Variants in NAA16 observed in about 807,000 individuals in gnomAD.
NAA16 encodes N-alpha-acetyltransferase 16, NatA auxiliary subunit, also known as NARG1-like protein.
Under a neutral mutation model 110.3 loss-of-function variants are expected in NAA16, and 97 were observed. The ratio of observed to expected loss-of-function variants is 0.88; its 90% CI spans 0.75 to 1.04. NAA16 has a LOEUF of 1.04. Ranked by LOEUF, NAA16 falls within the 50% of genes least tolerant of loss-of-function variation. NAA16 has a pLI of 0.00. For missense variants in NAA16, 1,017 were observed against 1,005.1 expected, an observed-to-expected ratio of 1.01 and a Z score of -0.16; for synonymous variants, 372 against 330.6, an observed-to-expected ratio of 1.13 and a Z score of -1.36.
At chr13:41,362,599 C>T (rs1332733609) in intron 13 of NAA16, 4 of 731,768 alleles carry the variant, frequency 5.5e-6, no homozygotes, top group Non-Finnish European at 8.0e-6. Flanking sequence ...TTCTGTATAA[C>T]AATCTATGGC....
intron 3 of NAA16, among the ~76,000 whole-genome samples, chr13:41,319,493 A>G (rs2041891735): frequency 2.0e-5 from 3 of 152,142 alleles, no homozygotes; most frequent in South Asian, 2.1e-4. Context: ...TCTTTGGGTA[A>G]TATCCCAGTG....
intron 9 of NAA16, among the ~76,000 whole-genome samples, chr13:41,339,409 G>A (rs2042472091): frequency 6.6e-6 from 1 of 152,160 alleles, no homozygotes; most frequent in Admixed American, 6.5e-5. Context: ...AAAGTGCTGG[G>A]ATTACAGGCG....
chr13:41,367,788 A>T, intron 14 of NAA16, 136 bp downstream of exon 14: 1 of 565,208 alleles, frequency 1.8e-6, no homozygotes, highest in South Asian at 3.3e-5. Context: ...TCATATGCCA[A>T]AAAACAAAAA....
At chr13:41,342,408 G>A (rs1170663155) in intron 9 of NAA16, among the ~76,000 whole-genome samples, 1 of 152,144 alleles carries the variant, frequency 6.6e-6, no homozygotes, top group Admixed American at 6.5e-5. Flanking sequence ...AAAGTTCCAG[G>A]GTTACAGACG....
chr13:41,366,166 T>C (rs1300832236), intron 13 of NAA16, among the ~76,000 whole-genome samples: 1 of 152,188 alleles, frequency 6.6e-6, no homozygotes, highest in Non-Finnish European at 1.5e-5. Context: ...CATTAAAGCA[T>C]GGCTTTTTAG....
At chr13:41,347,063 A>G (rs2042700405) in intron 9 of NAA16, among the ~76,000 whole-genome samples, 1 of 151,740 alleles carries the variant, frequency 6.6e-6, no homozygotes, top group African/African-American at 2.4e-5. Flanking sequence ...CTAAAAATAC[A>G]AAAATTAGCT....
chr13:41,330,073 C>T (rs758749225), intron 7 of NAA16, among the ~76,000 whole-genome samples: 4 of 151,422 alleles, frequency 2.6e-5, no homozygotes, highest in South Asian at 2.1e-4. Flanking sequence ...CGATTAGGCA[C>T]GAACATGAGA....
chr13:41,339,133 T>TTG (rs2042462427), intron 9 of NAA16, among the ~76,000 whole-genome samples: 1 of 47,708 alleles, frequency 2.1e-5, no homozygotes, highest in South Asian at 7.4e-4. Flanking sequence ...GTTGTTGTTG[T>TTG]TTGTTTGTTT....
chr13:41,375,108 C>T (rs969187647), intron 19 of NAA16, among the ~76,000 whole-genome samples: 42 of 152,260 alleles, frequency 2.8e-4, no homozygotes, highest in African/African-American at 7.5e-4. Flanking sequence ...GTGCCTGGCA[C>T]GTTGTTAAGT....
At position 41,336,687 on chromosome 13, in the gene NAA16, G is replaced by GT; in HGVS notation, c.945_946insT (p.Val316CysfsTer2). 6.2e-7 allele frequency: 1 copy of GT among 1,607,930 alleles called. No individual in the cohort carries two copies. Among genetic ancestry groups the GT allele is most frequent in the Non-Finnish European group, 8.5e-7 (1 of 1,176,794 alleles). Reference sequence around the variant, plus strand: ...GAGAACTAATGGATAAGTTCCTGAGGGTTAACTTCAGTAAAGGCTGCCCAC... The same window carrying GT: ...GAGAACTAATGGATAAGTTCCTGAGGTGTTAACTTCAGTAAAGGCTGCCCAC... On this transcript the variant is annotated frameshift_variant, in exon 9 of 20. Coordinates refer to ENST00000379406, the MANE Select transcript of NAA16 (RefSeq NM_024561.5). LOFTEE classifies it high-confidence loss of function.
At position 41,355,172 on chromosome 13, in the gene NAA16, A is replaced by G. The variant is rs1464135055; in HGVS notation, c.1043A>G (p.Asn348Ser). The G allele has an allele frequency of 1.3e-6, 2 of 1,589,482 alleles. No individual in the cohort carries two copies. Among genetic ancestry groups the G allele is most frequent in the South Asian group, 1.2e-5 (1 of 86,666 alleles). The part of the protein sequence containing the change: ...KVSIIQELVT[N>S]YEASLKTCDF... ...TCTATAATCCAGGAACTTGTTACTA[A>G]TTATGAAGCCTCTCTTAAAACGTGT... The change falls in exon 10 of 20, where the codon AAT (asparagine) becomes AGT (serine). Residue 348 changes from asparagine (N) to serine (S), a missense_variant. Coordinates refer to ENST00000379406, the MANE Select transcript of NAA16 (RefSeq NM_024561.5).
intron 15 of NAA16, among the ~76,000 whole-genome samples, chr13:41,371,307 C>T (rs2043312313): frequency 6.6e-6 from 1 of 152,182 alleles, no homozygotes; most frequent in African/African-American, 2.4e-5. Flanking sequence ...GACATGGACC[C>T]TTCTATGATA....
At chr13:41,372,464 A>G (rs2043341426) in intron 16 of NAA16, 153 bp downstream of exon 16, 3 of 984,946 alleles carry the variant, frequency 3.0e-6, no homozygotes, top group Non-Finnish European at 3.6e-6. Flanking sequence ...TTAGGTGGGT[A>G]ATAAATTAGA....
At chr13:41,353,419 T>C (rs558368114) in intron 9 of NAA16, among the ~76,000 whole-genome samples, 43 of 152,014 alleles carry the variant, frequency 2.8e-4, no homozygotes, top group African/African-American at 9.9e-4. Context: ...TTTTTATCAG[T>C]GGTTCTCAAA....
In NAA16 at chr13:41,311,284, C is replaced by T; in HGVS notation, c.-245C>T. ...GCCATCTTGCAGTGCGCGGGAACCG[C>T]CGCCGCCGCCGCTGGCCAAAAAGCG... On this transcript the variant is annotated 5_prime_UTR_variant, in exon 1 of 20. Coordinates refer to ENST00000379406, the MANE Select transcript of NAA16 (RefSeq NM_024561.5). The T allele has an allele frequency of 1.8e-6, 1 of 548,618 alleles. No individual in the cohort carries two copies. Among genetic ancestry groups the T allele is most frequent in the Non-Finnish European group, 3.2e-6 (1 of 314,224 alleles). The allele number at this position is 548,618 out of a possible 1,614,324, so 34.0% of individuals were successfully genotyped here.
chr13:41,356,012 A>C (rs1356417625), intron 10 of NAA16, among the ~76,000 whole-genome samples: 4 of 152,112 alleles, frequency 2.6e-5, no homozygotes, highest in African/African-American at 9.7e-5. Flanking sequence ...CATTACTCTG[A>C]GTATTTTTCT....
At chr13:41,337,388 A>G (rs2139432286) in intron 9 of NAA16, among the ~76,000 whole-genome samples, 1 of 151,930 alleles carries the variant, frequency 6.6e-6, no homozygotes, top group East Asian at 1.9e-4. Context: ...GTAAGAATAC[A>G]AAAAATTAGC....
rs375726283 is a variant in NAA16, at chr13:41,311,615, G to A, written c.54+33G>A. 1.5e-4 allele frequency: 243 copies of A among 1,586,788 alleles called. No individual in the cohort carries two copies. The African/African-American group carries it at 2.8e-3, about 18-fold the overall frequency. ...GCCGTAGGCCGCGCTGCCGCCCCCC[G>A]GTCCCCGGGTCCTCGGGCCTTAAGG... On this transcript the variant is annotated intron_variant, in intron 1 of 19. Coordinates refer to ENST00000379406, the MANE Select transcript of NAA16 (RefSeq NM_024561.5).
chr13:41,370,611 C>A (rs1441693018), intron 15 of NAA16, among the ~76,000 whole-genome samples: 1 of 152,144 alleles, frequency 6.6e-6, no homozygotes, highest in Non-Finnish European at 1.5e-5. Flanking sequence ...TTGGTTCCAT[C>A]CATGCTTTGT....
Sources: allele counts gnomAD v4.1 joint callset (sites outside exome capture counted in the v4.1 genomes callset), GRCh38; gene constraint gnomAD v4.1.1; transcripts MANE v1.5; gene names NCBI Gene and HGNC (gene_info 2026-07-23, HGNC 2026-07-21).